SCGN: variants seen among roughly 807,000 people sequenced by gnomAD.
SCGN encodes secretagogin, EF-hand calcium binding protein, also known as secretagogin.
SCGN carries 30 observed loss-of-function variants against 39.7 expected under a neutral mutation model. The ratio of observed to expected loss-of-function variants is 0.76; its 90% CI spans 0.57 to 1.03. The LOEUF is 1.03. Ranked by LOEUF, SCGN falls within the 50% of genes least tolerant of loss-of-function variation. The probability of loss-of-function intolerance (pLI) is 0.00; values close to 1 mark genes in which losing one functional copy is unlikely to be tolerated. For missense variants in SCGN, 353 were observed against 349.4 expected, an observed-to-expected ratio of 1.01 and a Z score of -0.08; for synonymous variants, 106 against 114.1, an observed-to-expected ratio of 0.93 and a Z score of 0.45.
chr6:25,657,717 A>G (rs961309840), intron 2 of SCGN, among the ~76,000 whole-genome samples: 2 of 149,460 alleles, frequency 1.3e-5, no homozygotes, highest in African/African-American at 4.9e-5. Context: ...GTGTGCATAT[A>G]TATATGATTT....
chr6:25,690,061 A>G (rs2151382555), intron 9 of SCGN, among the ~76,000 whole-genome samples: 1 of 152,314 alleles, frequency 6.6e-6, no homozygotes, highest in South Asian at 2.1e-4. Context: ...ATGTTGGGAA[A>G]GGTTATAAGG....
chr6:25,679,855 A>C (rs1250537083), intron 6 of SCGN, among the ~76,000 whole-genome samples: 1 of 151,588 alleles, frequency 6.6e-6, no homozygotes, highest in Non-Finnish European at 1.5e-5. Flanking sequence ...GGCATAGTCT[A>C]TGGCACCAGA....
At chr6:25,664,090 A>C (rs1760388496) in intron 3 of SCGN, among the ~76,000 whole-genome samples, 1 of 152,212 alleles carries the variant, frequency 6.6e-6, no homozygotes. Flanking sequence ...TTATAACTAC[A>C]TAGGGGAATA....
intron 10 of SCGN, among the ~76,000 whole-genome samples, chr6:25,697,295 G>A (rs1759851307): frequency 6.6e-6 from 1 of 152,190 alleles, no homozygotes; most frequent in Non-Finnish European, 1.5e-5. Flanking sequence ...CACCAGTGTG[G>A]CCAATAAATA....
rs147421373 is a variant in SCGN, at chr6:25,666,071, G to A, written c.336+1039G>A. ...AAACTTTGTCCTGGCTGGGTGTGGT[G>A]GCTCACGCCTATAATTCCAGCACTC... is the stretch of plus-strand genomic sequence containing the variant. On this transcript the variant is annotated intron_variant, in intron 4 of 10. Transcript: ENST00000377961. Among the ~76,000 whole-genome samples the A allele has an allele frequency of 3.7e-3, 560 of 151,550 alleles. 2 individuals carry two copies. Among genetic ancestry groups the A allele is most frequent in the African/African-American group, 0.013 (550 of 41,302 alleles).
intron 10 of SCGN, among the ~76,000 whole-genome samples, chr6:25,693,674 TTAAC>T (rs201289757): frequency 0.1 from 15,581 of 152,156 alleles, 890 homozygotes; most frequent in Middle Eastern, 0.16. Context: ...CAGATGGCAA[TTAAC>T]TAACATATTT....
intron 6 of SCGN, among the ~76,000 whole-genome samples, chr6:25,675,373 T>TA (rs1759550172): frequency 6.6e-6 from 1 of 152,232 alleles, no homozygotes; most frequent in East Asian, 1.9e-4. Flanking sequence ...CAGGCAAACC[T>TA]AGATAATGGA....
intron 10 of SCGN, among the ~76,000 whole-genome samples, chr6:25,696,012 T>C (rs780258051): frequency 2.8e-4 from 43 of 152,236 alleles, no homozygotes; most frequent in Non-Finnish European, 4.9e-4. Flanking sequence ...TGGGAGTTCC[T>C]GCCCACAGTC....
chr6:25,684,821 GAA>G (rs542380985), intron 7 of SCGN, among the ~76,000 whole-genome samples: 1 of 151,094 alleles, frequency 6.6e-6, no homozygotes, highest in African/African-American at 2.4e-5. Flanking sequence ...AAAAAGAAAG[GAA>G]AAAAAAGATA....
chr6:25,695,032 C>T (rs2151383611), intron 10 of SCGN, among the ~76,000 whole-genome samples: 1 of 152,294 alleles, frequency 6.6e-6, no homozygotes. Flanking sequence ...AGTAATAACT[C>T]TGAAGTAAGC....
chr6:25,681,398 C>T (rs1437664530), intron 6 of SCGN, among the ~76,000 whole-genome samples: 9 of 152,118 alleles, frequency 5.9e-5, no homozygotes, highest in African/African-American at 2.2e-4. Context: ...AAACCAAGTA[C>T]CCATATTTCA....
rs1365723332 is a variant in SCGN, at chr6:25,682,023, T to C, written c.527+17T>C. On this transcript the variant is annotated intron_variant, in intron 7 of 10. Coordinates refer to ENST00000377961, the MANE Select transcript of SCGN (RefSeq NM_006998.4). ...CTTAGCAAGGTGAGTTACATGGAAA[T>C]GATATCATACATTCAGAAATACCTT... 1 of 1,588,736 alleles carries C rather than the reference T, an allele frequency of 6.3e-7. No homozygotes were observed. Among genetic ancestry groups the C allele is most frequent in the Admixed American group, 1.7e-5 (1 of 59,984 alleles).
rs1759461101 is a variant in SCGN, at chr6:25,669,499, T to G, written c.337-12T>G. On this transcript the variant is annotated splice_polypyrimidine_tract_variant and intron_variant, in intron 4 of 10. Transcript: ENST00000377961. ...TGAGGATAAATTAATTAGTGACTTT[T>G]GTGTATTTCAGATTTGGCGCAAATA... 1 of 1,611,638 alleles carries G rather than the reference T, an allele frequency of 6.2e-7. No homozygotes were observed. The highest frequency in any genetic ancestry group is 1.1e-5 in the South Asian group (1 of 91,000).
intron 6 of SCGN, among the ~76,000 whole-genome samples, chr6:25,671,399 TC>T (rs1561764691): frequency 1.3e-5 from 1 of 79,228 alleles, no homozygotes; most frequent in Non-Finnish European, 2.8e-5. Context: ...CTGCTTTCCC[TC>T]TGTACTCTGC....
chr6:25,696,910 G>T (rs1582591020), intron 10 of SCGN, among the ~76,000 whole-genome samples: 1 of 152,150 alleles, frequency 6.6e-6, no homozygotes, highest in South Asian at 2.1e-4. Flanking sequence ...AGGATAGGTG[G>T]CAAGGAGAAG....
At chr6:25,694,263 T>G (rs4409177) in intron 10 of SCGN, among the ~76,000 whole-genome samples, 38,623 of 152,144 alleles carry the variant, frequency 0.25, 5,322 homozygotes, top group Middle Eastern at 0.33. Context: ...ACTCTGCCTT[T>G]CAATTGTCAT....
At chr6:25,697,403 G>A (rs1352976315) in intron 10 of SCGN, among the ~76,000 whole-genome samples, 2 of 152,134 alleles carry the variant, frequency 1.3e-5, no homozygotes, top group African/African-American at 2.4e-5. Flanking sequence ...TATTTTAAGT[G>A]GGTTACAATA....
chr6:25,683,387 C>T (rs1759663068), intron 7 of SCGN, among the ~76,000 whole-genome samples: 1 of 152,186 alleles, frequency 6.6e-6, no homozygotes, highest in South Asian at 2.1e-4. Flanking sequence ...AAGCATCTAT[C>T]CACCTGTGCC....
chr6:25,657,746 T>C (rs1760254295), intron 2 of SCGN, among the ~76,000 whole-genome samples: 1 of 149,944 alleles, frequency 6.7e-6, no homozygotes, highest in South Asian at 2.1e-4. Context: ...TGAGAGCAAG[T>C]TTTCCAAGCT....
Sources: gnomAD v4.1 joint callset for allele counts (sites outside exome capture counted in the v4.1 genomes callset) on GRCh38, gnomAD v4.1.1 for gene constraint, MANE v1.5 for transcripts, NCBI Gene and HGNC (gene_info 2026-07-23, HGNC 2026-07-21) for gene names.